Variants in OCLN observed in about 807,000 individuals in gnomAD.
The protein encoded by OCLN is phosphatase 1, regulatory subunit 115.
A neutral mutation model predicts 47.9 loss-of-function variants in OCLN; 21 were observed. The observed-to-expected ratio is 0.44, with a 90% CI of 0.31 to 0.63. The LOEUF is 0.63. OCLN is among the 30% of genes least tolerant of loss of function. OCLN has a pLI of 0.08. For missense variants in OCLN, 360 were observed against 571.0 expected, an observed-to-expected ratio of 0.63 and a Z score of 3.77; for synonymous variants, 117 against 198.4, an observed-to-expected ratio of 0.59 and a Z score of 3.45.
chr5:69,549,317 A>G, intron 7 of OCLN, among the ~76,000 whole-genome samples: 1 of 93,238 alleles, frequency 1.1e-5, no homozygotes, highest in Non-Finnish European at 2.0e-5. Context: ...CTCCAGCCTG[A>G]GTGACAGAGT....
At chr5:69,533,739 G>A (rs997305667) in intron 4 of OCLN, among the ~76,000 whole-genome samples, 2 of 152,122 alleles carry the variant, frequency 1.3e-5, no homozygotes, top group African/African-American at 4.8e-5. Flanking sequence ...TGCAACCTCC[G>A]CCTCTCTGGT....
At chr5:69,499,276 T>C (rs1768390574) in intron 1 of OCLN, among the ~76,000 whole-genome samples, 1 of 152,080 alleles carries the variant, frequency 6.6e-6, no homozygotes, top group African/African-American at 2.4e-5. Context: ...GGTCTTACTA[T>C]GTTGCTGTGG....
intron 1 of OCLN, among the ~76,000 whole-genome samples, chr5:69,495,759 GA>G (rs143393500): frequency 6.1e-5 from 9 of 147,286 alleles, no homozygotes; most frequent in South Asian, 2.2e-4. Context: ...AGTTTGCTCT[GA>G]AAAAAAAAAC....
intron 4 of OCLN, among the ~76,000 whole-genome samples, chr5:69,526,615 A>G (rs142931888): frequency 4.6e-5 from 7 of 152,164 alleles, no homozygotes; most frequent in African/African-American, 7.2e-5. Context: ...GGTGGTGTCA[A>G]CCTAAAGATT....
chr5:69,505,997 C>T (rs1232112869), intron 2 of OCLN, among the ~76,000 whole-genome samples: 2 of 152,322 alleles, frequency 1.3e-5, no homozygotes, highest in Admixed American at 6.5e-5. Context: ...CCCCACTTCA[C>T]GTAGCAGCCA....
chr5:69,510,021 G>A (rs1346647022), intron 3 of OCLN, among the ~76,000 whole-genome samples: 1 of 152,092 alleles, frequency 6.6e-6, no homozygotes, highest in Non-Finnish European at 1.5e-5. Context: ...ACAGTTCAGT[G>A]GTTTTTAATA....
At chr5:69,505,272 A>C (rs889090787) in intron 2 of OCLN, among the ~76,000 whole-genome samples, 3 of 152,114 alleles carry the variant, frequency 2.0e-5, no homozygotes, top group Non-Finnish European at 4.4e-5. Flanking sequence ...AAATAAATAA[A>C]AATAACAGCT....
chr5:69,523,891 G>A (rs1769209653), intron 4 of OCLN, among the ~76,000 whole-genome samples: 1 of 151,932 alleles, frequency 6.6e-6, no homozygotes, highest in Non-Finnish European at 1.5e-5. Context: ...GCTGACACTT[G>A]TAATCCCAGC....
intron 4 of OCLN, among the ~76,000 whole-genome samples, chr5:69,525,662 G>A (rs139716769): frequency 1.3e-4 from 20 of 152,228 alleles, no homozygotes; most frequent in African/African-American, 4.8e-4. Context: ...ATTTTTATAA[G>A]AGTTTTTATG....
At chr5:69,517,599 A>G (rs994561312) in intron 4 of OCLN, among the ~76,000 whole-genome samples, 2 of 152,108 alleles carry the variant, frequency 1.3e-5, no homozygotes, top group Admixed American at 6.6e-5. Context: ...AGGCAAGACA[A>G]TATCTTGAAG....
chr5:69,509,894 C>T, intron 3 of OCLN, 75 bp downstream of exon 3: 1 of 1,089,414 alleles, frequency 9.2e-7, no homozygotes, highest in South Asian at 1.2e-5. Context: ...GATAGAATCA[C>T]TCTGGAAACT....
At chr5:69,528,133 G>A (rs1271893588) in intron 4 of OCLN, among the ~76,000 whole-genome samples, 3 of 152,168 alleles carry the variant, frequency 2.0e-5, no homozygotes, top group Admixed American at 6.5e-5. Flanking sequence ...CTTTCCAGTC[G>A]ATTTTGAAGC....
intron 7 of OCLN, among the ~76,000 whole-genome samples, chr5:69,549,564 G>GTT (rs999754388): frequency 7.4e-6 from 1 of 135,416 alleles, no homozygotes; most frequent in Non-Finnish European, 1.6e-5. Flanking sequence ...CAGTTTATGG[G>GTT]TTTTTTTTTT....
intron 1 of OCLN, among the ~76,000 whole-genome samples, chr5:69,499,822 T>A (rs1768405991): frequency 1.3e-5 from 2 of 152,202 alleles, no homozygotes; most frequent in South Asian, 4.1e-4. Context: ...CTTGACCTCG[T>A]GATCCACCCG....
Position 69,504,223 on chromosome 5 carries a change from A to G in OCLN, c.-22A>G. Reference sequence around the variant, plus strand: ...AAGGGCATTGCTCATCCTGAAGATCAGCTGACCATTGACAATCAGCCATGT... The same window carrying G: ...AAGGGCATTGCTCATCCTGAAGATCGGCTGACCATTGACAATCAGCCATGT... On this transcript the variant is annotated 5_prime_UTR_variant, in exon 2 of 9. Coordinates refer to ENST00000396442, the MANE Select transcript of OCLN (RefSeq NM_001205254.2). 6.3e-7 allele frequency: 1 copy of G among 1,586,752 alleles called. No individual in the cohort carries two copies. The highest frequency in any genetic ancestry group is 8.7e-7 in the Non-Finnish European group (1 of 1,155,030).
intron 4 of OCLN, among the ~76,000 whole-genome samples, chr5:69,517,842 C>T (rs1004621775): frequency 1.1e-4 from 17 of 151,786 alleles, no homozygotes; most frequent in African/African-American, 4.1e-4. Context: ...TGTTTTCTTT[C>T]GACATTTACC....
rs1768693939 is a variant in OCLN at position 69,509,170 on chromosome 5, A to G, written c.80A>G (p.Asp27Gly). 6.2e-7 allele frequency: 1 copy of G among 1,613,934 alleles called. No homozygotes were observed. The highest frequency in any genetic ancestry group is 1.3e-5 in the African/African-American group (1 of 74,928). Residue 27 changes from aspartate (D) to glycine (G), a missense_variant, in exon 3 of 9, where the codon GAC becomes GGC. Physicochemically the swap from Asp to Gly is moderately conservative, Grantham distance 94. Around this residue, in one of 3 missense-constraint regions of OCLN, gnomAD observed 314 missense variants for 368.1 expected, o/e 0.85. Coordinates refer to ENST00000396442, the MANE Select transcript of OCLN (RefSeq NM_001205254.2). ...FKPNHYAPSN[D>G]IYGGEMHVRP... ...CCGAATCATTATGCACCAAGCAATG[A>G]CATATATGGTGGAGAGATGCATGTT... is the stretch of plus-strand genomic sequence containing the variant.
chr5:69,493,238 C>T lies in OCLN; in HGVS notation c.-69+338C>T, dbSNP rs1768191681. Among the ~76,000 whole-genome samples, 1 of 152,162 alleles carries T rather than the reference C, an allele frequency of 6.6e-6. No homozygotes were observed. The highest frequency in any genetic ancestry group is 2.4e-5 in the African/African-American group (1 of 41,462). On this transcript the variant is annotated intron_variant, in intron 1 of 8. Transcript: ENST00000396442. This position sits in a 1 kb window ranked among gnomAD's most constrained non-coding sequence, Gnocchi z 5.3. ...CACGACATTCCTGAACAGCGACGAT[C>T]CTGCATCCGCTCTGGGGCTGCAGTT...
chr5:69,518,009 CAAGG>C (rs1049197320), intron 4 of OCLN, among the ~76,000 whole-genome samples: 34 of 152,296 alleles, frequency 2.2e-4, no homozygotes, highest in African/African-American at 8.2e-4. Context: ...AAACCCGACT[CAAGG>C]GAGACCAATG....
Sources: gnomAD v4.1 joint callset for allele counts (sites outside exome capture counted in the v4.1 genomes callset) on GRCh38, gnomAD v4.1.1 for gene constraint, gnomAD v4.1.1 regional missense constraint, Gnocchi (gnomAD v3.1) non-coding constraint, MANE v1.5 for transcripts, NCBI Gene and HGNC (gene_info 2026-07-23, HGNC 2026-07-21) for gene names.